RBFOX2: variants seen among roughly 807,000 people sequenced by gnomAD.
The protein encoded by RBFOX2 is RNA binding fox-1 homolog 2.
Under a neutral mutation model 49.1 loss-of-function variants are expected in RBFOX2, and 10 were observed. That is an observed-to-expected ratio of 0.20 (90% confidence interval 0.13 to 0.35). The LOEUF is 0.35. RBFOX2 is among the 10% of genes least tolerant of loss of function. The pLI, the probability that RBFOX2 is intolerant of heterozygous loss-of-function variation, is 1.00. For missense variants in RBFOX2, 323 were observed against 486.9 expected (o/e 0.66, Z 3.17); for synonymous variants, 183 against 187.4 (o/e 0.98, Z 0.19).
At chr22:35,825,606 T>C (rs554919432) in intron 1 of RBFOX2, among the ~76,000 whole-genome samples, 8 of 152,216 alleles carry the variant, frequency 5.3e-5, no homozygotes, top group African/African-American at 1.9e-4. Flanking sequence ...CTTAGATGAG[T>C]AACTTAAGCT....
chr22:35,792,723 G>A (rs920279987), intron 2 of RBFOX2, among the ~76,000 whole-genome samples: 15 of 152,122 alleles, frequency 9.9e-5, no homozygotes, highest in Non-Finnish European at 2.2e-4. Flanking sequence ...CTGAACCAGC[G>A]CAACCTGATT....
At chr22:35,816,320 T>C (rs1953046666) in intron 1 of RBFOX2, among the ~76,000 whole-genome samples, 1 of 151,944 alleles carries the variant, frequency 6.6e-6, no homozygotes, top group African/African-American at 2.4e-5. Context: ...GTTCTTAACT[T>C]TTTTTTTAAA....
intron 1 of RBFOX2, among the ~76,000 whole-genome samples, chr22:35,912,352 A>G (rs2049929572): frequency 6.6e-6 from 1 of 152,200 alleles, no homozygotes; most frequent in African/African-American, 2.4e-5. Flanking sequence ...CAGGAGCTCA[A>G]ACAGATGGTG....
intron 1 of RBFOX2, among the ~76,000 whole-genome samples, chr22:35,879,339 A>T (rs2045574657): frequency 6.6e-6 from 1 of 152,228 alleles, no homozygotes; most frequent in Admixed American, 6.5e-5. Context: ...TGTTCCAGAA[A>T]CAATATAACA....
At chr22:35,910,692 C>A (rs1266134785) in intron 1 of RBFOX2, among the ~76,000 whole-genome samples, 2 of 152,182 alleles carry the variant, frequency 1.3e-5, no homozygotes, top group African/African-American at 4.8e-5. Flanking sequence ...ATTTGTAATG[C>A]CAACTTATGT....
upstream of RBFOX2, chr22:35,939,250 C>A (rs1259787015): frequency 2.0e-6 from 1 of 493,438 alleles, no homozygotes; most frequent in East Asian, 5.7e-5. Context: ...AGCCCCAACT[C>A]ACACTAAGCC....
chr22:35,937,404 G>C (rs561297117), intron 1 of RBFOX2, among the ~76,000 whole-genome samples: 1 of 152,282 alleles, frequency 6.6e-6, no homozygotes, highest in African/African-American at 2.4e-5. Context: ...GAACTCAGTA[G>C]GGGATGAACA....
chr22:35,878,039 T>TACACAC (rs58181557), intron 1 of RBFOX2, among the ~76,000 whole-genome samples: 2,232 of 141,226 alleles, frequency 0.016, 16 homozygotes, highest in African/African-American at 0.025. Flanking sequence ...CTACTACTAC[T>TACACAC]ACACACACAC....
intron 1 of RBFOX2, among the ~76,000 whole-genome samples, chr22:35,893,499 G>A (rs1024636913): frequency 2.0e-4 from 30 of 152,056 alleles, no homozygotes; most frequent in Admixed American, 1.8e-3. Flanking sequence ...CATCCTTCAG[G>A]TCAACAGGGC....
At chr22:35,739,475 A>G (rs1000037716) in exon 12 of RBFOX2, 1 of 152,588 alleles carries the variant, frequency 6.6e-6, no homozygotes, top group Admixed American at 6.5e-5. Context: ...AAAACAATTC[A>G]TATCCCTTAG....
chr22:36,010,738 C>CGT (rs2058789575), intron 1 of RBFOX2, among the ~76,000 whole-genome samples: 1 of 111,658 alleles, frequency 9.0e-6, no homozygotes, highest in African/African-American at 3.6e-5. Context: ...TCAGTACACA[C>CGT]ACACACACAC....
At chr22:35,966,814 A>T (rs2056586815) in intron 1 of RBFOX2, among the ~76,000 whole-genome samples, 1 of 151,990 alleles carries the variant, frequency 6.6e-6, no homozygotes, top group Non-Finnish European at 1.5e-5. Flanking sequence ...ATATACATAT[A>T]ATTTTTCCCC....
intron 10 of RBFOX2, 72 bp from the exon 13 acceptor site, chr22:35,746,067 G>A (rs1179397191): frequency 7.6e-7 from 1 of 1,313,528 alleles, no homozygotes; most frequent in Middle Eastern, 1.9e-4. Flanking sequence ...GGATTACTGT[G>A]CTTTAAGACT....
chr22:35,878,186 CAA>C (rs1417514323), intron 1 of RBFOX2, among the ~76,000 whole-genome samples: 2 of 151,904 alleles, frequency 1.3e-5, no homozygotes, highest in African/African-American at 2.4e-5. Context: ...CCCCTAAGGT[CAA>C]GAGTTCAAGA....
At chr22:35,843,452 T>C (rs1350922651), upstream of RBFOX2, among the ~76,000 whole-genome samples, 2 of 152,204 alleles carry the variant, frequency 1.3e-5, no homozygotes, top group South Asian at 2.1e-4. Flanking sequence ...TCTTTGAGTG[T>C]TTCATCCAAT....
At chr22:35,832,297 C>T (rs1414712624) in intron 1 of RBFOX2, among the ~76,000 whole-genome samples, 1 of 151,084 alleles carries the variant, frequency 6.6e-6, no homozygotes, top group Admixed American at 6.6e-5. Context: ...CACTTGAACC[C>T]AGGAGGCGGA....
In RBFOX2 at chr22:36,008,606, C is replaced by A. The variant is rs2058702598; in HGVS notation, c.186+19634G>T. On this transcript the variant is annotated intron_variant, in intron 1 of 13. Coordinates refer to the RBFOX2 transcript ENST00000438146. ...CCGAAGTAGGTGGATCACTTGAGGC[C>A]AGGAGTTTAAGACCAGCCTGGCCAA... Among the ~76,000 whole-genome samples the A allele has an allele frequency of 2.0e-5, 3 of 152,166 alleles. 1 individual carries two copies. The highest frequency in any genetic ancestry group is 2.0e-4 in the Admixed American group (3 of 15,278).
intron 1 of RBFOX2, among the ~76,000 whole-genome samples, chr22:35,948,507 G>A (rs1001014043): frequency 4.6e-5 from 7 of 152,032 alleles, no homozygotes; most frequent in South Asian, 2.1e-4. Context: ...AACATAAGGA[G>A]ACCCTGGGTC....
intron 1 of RBFOX2, among the ~76,000 whole-genome samples, chr22:35,884,650 CA>C (rs1167648677): frequency 6.6e-6 from 1 of 152,080 alleles, no homozygotes; most frequent in African/African-American, 2.4e-5. Flanking sequence ...TCTTTGTAAC[CA>C]AATCTTAGAA....
Sources: gnomAD v4.1 joint callset for allele counts (sites outside exome capture counted in the v4.1 genomes callset) on GRCh38, gnomAD v4.1.1 for gene constraint, MANE v1.5 for transcripts, NCBI Gene and HGNC (gene_info 2026-07-23, HGNC 2026-07-21) for gene names.